Variants in NRXN3 observed in about 807,000 individuals in gnomAD.
NRXN3 encodes neurexin III.
A neutral mutation model predicts 137.6 loss-of-function variants in NRXN3; 32 were observed. The ratio of observed to expected loss-of-function variants is 0.23; its 90% confidence interval spans 0.18 to 0.31. NRXN3 has a LOEUF of 0.31. Ranked by LOEUF, NRXN3 falls within the 10% of genes least tolerant of loss-of-function variation. The pLI is 1.00. For missense variants in NRXN3, 1,574 were observed against 2,062.5 expected, an observed-to-expected ratio of 0.76 and a Z score of 4.59; for synonymous variants, 798 against 784.5, an observed-to-expected ratio of 1.02 and a Z score of -0.29.
At chr14:78,518,463 T>C (rs187775092) in intron 4 of NRXN3, among the ~76,000 whole-genome samples, 1 of 152,070 alleles carries the variant, frequency 6.6e-6, no homozygotes, top group Non-Finnish European at 1.5e-5. Flanking sequence ...TTGCTCCATA[T>C]GTGACATAAA....
rs1038822623 is a variant in NRXN3 at position 78,462,268 on chromosome 14, G to T, written c.757+164408G>T. Among the ~76,000 whole-genome samples, 7 of 152,204 alleles carry T rather than the reference G, an allele frequency of 4.6e-5. No homozygotes were observed. In the East Asian group the frequency reaches 9.6e-4, roughly 21 times the overall value. On this transcript the variant is annotated intron_variant, in intron 4 of 20. Coordinates refer to ENST00000335750, the MANE Select transcript of NRXN3 (RefSeq NM_001330195.2). ...GATAATGTCAGTCTTCAAAGTAGCTGCTTTCCCTCCTCTGTACTGCAGAGA... is the reference window on the plus strand; with the variant it reads ...GATAATGTCAGTCTTCAAAGTAGCTTCTTTCCCTCCTCTGTACTGCAGAGA...
At chr14:79,361,893 C>T (rs2093693428) in intron 15 of NRXN3, among the ~76,000 whole-genome samples, 2 of 151,996 alleles carry the variant, frequency 1.3e-5, no homozygotes. Context: ...TGGCTGCAAT[C>T]TATGACTTTG....
intron 14 of NRXN3, among the ~76,000 whole-genome samples, chr14:78,979,417 T>G (rs962464056): frequency 6.6e-6 from 1 of 152,314 alleles, no homozygotes; most frequent in African/African-American, 2.4e-5. Flanking sequence ...ATAGACTTAT[T>G]TATATGAGAC....
rs201936218 is a variant in NRXN3, at chr14:78,449,571, TA to T, written c.757+151712del. On this transcript the variant is annotated intron_variant, in intron 4 of 20. Coordinates refer to ENST00000335750, the MANE Select transcript of NRXN3 (RefSeq NM_001330195.2). ...CAATATCTCTAAAATGTGCCACAGA[TA>T]TTTTTCTCTATTTTTTATTAGAGCG... Among the ~76,000 whole-genome samples the T allele has an allele frequency of 5.1e-3, 772 of 152,316 alleles. 33 individuals carry two copies. In the East Asian group the frequency reaches 0.082, roughly 16 times the overall value.
chr14:79,866,501 C>A lies in NRXN3; in HGVS notation c.*4537C>A, dbSNP rs1204205634. On this transcript the variant is annotated 3_prime_UTR_variant, in exon 21 of 21. Transcript: ENST00000335750. ...GGCTGTATATCATTCTAAGCAAACC[C>A]TTAAAGTGGGAGCAAGCAGGATCAA... 1 of 152,006 alleles carries A rather than the reference C, an allele frequency of 6.6e-6. No homozygotes were observed. Among genetic ancestry groups the A allele is most frequent in the African/African-American group, 2.4e-5 (1 of 41,374 alleles). 9.4% of individuals were successfully genotyped at this position (152,006 alleles called of 1,614,324 possible).
At chr14:79,485,724 G>T (rs2096649911) in intron 16 of NRXN3, among the ~76,000 whole-genome samples, 1 of 152,070 alleles carries the variant, frequency 6.6e-6, no homozygotes, top group Admixed American at 6.5e-5. Flanking sequence ...TCAAGGGAGA[G>T]GATTACCTTG....
At chr14:79,782,632 T>A (rs1033858773) in intron 19 of NRXN3, among the ~76,000 whole-genome samples, 4 of 152,208 alleles carry the variant, frequency 2.6e-5, no homozygotes, top group African/African-American at 7.2e-5. Context: ...CATGCTCTCT[T>A]GCATGATAGA....
chr14:78,979,722 A>G (rs776829185), intron 14 of NRXN3, among the ~76,000 whole-genome samples: 4 of 152,210 alleles, frequency 2.6e-5, no homozygotes, highest in African/African-American at 4.8e-5. Flanking sequence ...TCATAGTTCC[A>G]TGTGGCTGGG....
chr14:79,624,064 C>A (rs971365843), intron 16 of NRXN3, among the ~76,000 whole-genome samples: 1 of 152,058 alleles, frequency 6.6e-6, no homozygotes, highest in Non-Finnish European at 1.5e-5. Flanking sequence ...ATAAAGACTG[C>A]CTTTGGTTGA....
chr14:79,826,961 G>T (rs1568379116), intron 20 of NRXN3, among the ~76,000 whole-genome samples: 1 of 152,108 alleles, frequency 6.6e-6, no homozygotes, highest in Non-Finnish European at 1.5e-5. Context: ...GGAAGGACCT[G>T]TGTTTCATCT....
chr14:78,621,315 T>G (rs1381610477), intron 4 of NRXN3, among the ~76,000 whole-genome samples: 1 of 152,198 alleles, frequency 6.6e-6, no homozygotes, highest in Non-Finnish European at 1.5e-5. Flanking sequence ...TTTCCTAATT[T>G]AGTCATGTTA....
chr14:79,183,079 A>G (rs2063123391), intron 15 of NRXN3, among the ~76,000 whole-genome samples: 1 of 152,214 alleles, frequency 6.6e-6, no homozygotes, highest in African/African-American at 2.4e-5. Flanking sequence ...AAGTTTGTTA[A>G]GCATATAGGT....
chr14:78,627,938 C>T (rs1259661424), intron 4 of NRXN3, among the ~76,000 whole-genome samples: 3 of 152,114 alleles, frequency 2.0e-5, no homozygotes, highest in Non-Finnish European at 4.4e-5. Context: ...AGTCAAAGCC[C>T]TTGGAACTCA....
chr14:78,885,871 T>C (rs956636128), intron 10 of NRXN3, among the ~76,000 whole-genome samples: 1 of 152,058 alleles, frequency 6.6e-6, no homozygotes, highest in Non-Finnish European at 1.5e-5. Flanking sequence ...TTGGTATTAG[T>C]ATTGCTCACT....
intron 15 of NRXN3, among the ~76,000 whole-genome samples, chr14:79,315,216 A>G (rs974732395): frequency 6.6e-6 from 1 of 152,230 alleles, no homozygotes; most frequent in African/African-American, 2.4e-5. Context: ...GACTTAAAAC[A>G]TACCTGGTAA....
Position 78,469,895 on chromosome 14 carries a change from C to T in NRXN3, c.757+172035C>T, listed in dbSNP as rs142751241. ...AACTGCCTCTTCCTTGATTTTGTCCCGTTAGTCTGAGCTTTGACCTTGTTA... is the reference window on the plus strand; with the variant it reads ...AACTGCCTCTTCCTTGATTTTGTCCTGTTAGTCTGAGCTTTGACCTTGTTA... On this transcript the variant is annotated intron_variant, in intron 4 of 20. Coordinates refer to ENST00000335750, the MANE Select transcript of NRXN3 (RefSeq NM_001330195.2). 4.7e-3 allele frequency among the ~76,000 whole-genome samples: 713 copies of T among 152,250 alleles called. 3 individuals are homozygous for T. The highest frequency in any genetic ancestry group is 9.4e-3 in the Admixed American group (144 of 15,292).
intron 15 of NRXN3, among the ~76,000 whole-genome samples, chr14:79,420,055 TG>T (rs2095553365): frequency 6.6e-6 from 1 of 151,422 alleles, no homozygotes; most frequent in Admixed American, 6.6e-5. Context: ...ATAGAAGTTA[TG>T]GGAAGAGATA....
chr14:79,174,263 CA>C (rs2062075480), intron 15 of NRXN3, among the ~76,000 whole-genome samples: 2 of 151,932 alleles, frequency 1.3e-5, no homozygotes, highest in Non-Finnish European at 1.5e-5. Context: ...TATGAATAAA[CA>C]ATTCACAGAA....
Position 79,042,650 on chromosome 14 carries a change from AT to A in NRXN3, c.3262+54511del, listed in dbSNP as rs1373753908. Among the ~76,000 whole-genome samples, 6 of 152,294 alleles carry A rather than the reference AT, an allele frequency of 3.9e-5. No individual in the cohort carries two copies. In the South Asian group the frequency reaches 1.0e-3, roughly 26 times the overall value. ...TTAAATGTTAATTTTGAAATATAAG[AT>A]TGTTTTCAGATGGAATATCCTTTTC... On this transcript the variant is annotated intron_variant, in intron 15 of 20. Coordinates refer to ENST00000335750, the MANE Select transcript of NRXN3 (RefSeq NM_001330195.2).
Sources: allele counts gnomAD v4.1 joint callset (sites outside exome capture counted in the v4.1 genomes callset), GRCh38; gene constraint gnomAD v4.1.1; transcripts MANE v1.5; gene names NCBI Gene and HGNC (gene_info 2026-07-23, HGNC 2026-07-21).